The following CENPI variants were observed in gnomAD, a reference collection of about 807,000 sequenced individuals.
The protein encoded by CENPI is centromere protein I.
CENPI carries 4 observed loss-of-function variants against 60.4 expected under a neutral mutation model. That is an observed-to-expected ratio of 0.07 (90% CI 0.03 to 0.15). CENPI has a LOEUF of 0.15. Among genes scored for constraint, CENPI ranks in the 10% least tolerant of loss-of-function variants. The probability of loss-of-function intolerance (pLI) is 1.00; values close to 1 mark genes in which losing one functional copy is unlikely to be tolerated. For synonymous variants in CENPI, 157 were observed against 189.4 expected, an observed-to-expected ratio of 0.83 and a Z score of 1.40; for missense variants, 444 against 534.5, an observed-to-expected ratio of 0.83 and a Z score of 1.67.
chrX:101,158,214 G>T (rs1019396447), intron 20 of CENPI, among the ~76,000 whole-genome samples: 1 of 107,759 alleles, frequency 9.3e-6, no homozygotes, highest in Non-Finnish European at 1.9e-5. Flanking sequence ...TGATGGATAC[G>T]TTATTGTTAG....
chrX:101,141,511 A>G (rs2089914550), intron 16 of CENPI, among the ~76,000 whole-genome samples: 1 of 110,578 alleles, frequency 9.0e-6, no homozygotes, highest in South Asian at 3.9e-4. Flanking sequence ...AGCTAAGTAG[A>G]GATGGGGTTT....
intron 3 of CENPI, among the ~76,000 whole-genome samples, chrX:101,101,702 G>C (rs1209466968): frequency 9.0e-6 from 1 of 111,302 alleles, no homozygotes; most frequent in Non-Finnish European, 1.9e-5. Context: ...GTATGGTAAA[G>C]TTTGGGAACC....
chrX:101,142,784 C>T (rs902255449), intron 16 of CENPI, among the ~76,000 whole-genome samples: 1 of 111,236 alleles, frequency 9.0e-6, no homozygotes, highest in African/African-American at 3.3e-5. Context: ...CAAGTGCTAC[C>T]AAAAATCATA....
At chrX:101,116,759 A>G (rs1377111572) in intron 6 of CENPI, among the ~76,000 whole-genome samples, 1 of 110,722 alleles carries the variant, frequency 9.0e-6, no homozygotes, top group Non-Finnish European at 1.9e-5. Context: ...GAATCGCCAA[A>G]CTCTTTTCCA....
At chrX:101,154,809 G>C (rs2090038548) in intron 20 of CENPI, among the ~76,000 whole-genome samples, 1 of 111,038 alleles carries the variant, frequency 9.0e-6, no homozygotes, top group South Asian at 3.7e-4. Flanking sequence ...CCTAAGTACT[G>C]TGTTTTTTGA....
At chrX:101,157,224 C>T (rs2090061105) in intron 20 of CENPI, among the ~76,000 whole-genome samples, 1 of 111,729 alleles carries the variant, frequency 9.0e-6, no homozygotes, top group South Asian at 3.7e-4. Context: ...TTATGACTCA[C>T]CAGACTTGGA....
At chrX:101,121,951 C>T (rs1280632662) in intron 8 of CENPI, among the ~76,000 whole-genome samples, 1 of 107,916 alleles carries the variant, frequency 9.3e-6, no homozygotes, top group Non-Finnish European at 1.9e-5. Context: ...TACAGGCGCG[C>T]ACCACCACGC....
At chrX:101,145,221 C>G (rs756246655) in intron 17 of CENPI, 22 bp downstream of exon 17, 4 of 1,169,532 alleles carry the variant, frequency 3.4e-6, no homozygotes, top group Non-Finnish European at 4.6e-6. Context: ...TACATTTTCC[C>G]CATTTGGATT....
intron 21 of CENPI, among the ~76,000 whole-genome samples, chrX:101,162,610 T>C (rs760618210): frequency 1.4e-4 from 15 of 108,304 alleles, no homozygotes; most frequent in Non-Finnish European, 2.7e-4. Flanking sequence ...CATTGCACAG[T>C]ACTTAAATTT....
the CENPI span, among the ~76,000 whole-genome samples, chrX:101,178,398 C>CTTCTTTTTTTT: frequency 1.3e-3 from 50 of 39,978 alleles, 2 homozygotes; most frequent in Non-Finnish European, 2.0e-3. Context: ...TTTTCTTCTT[C>CTTCTTTTTTTT]TTTTTTTTTT....
intron 4 of CENPI, among the ~76,000 whole-genome samples, chrX:101,102,748 C>G (rs1459012109): frequency 1.8e-5 from 2 of 109,230 alleles, no homozygotes; most frequent in Non-Finnish European, 1.9e-5. Context: ...GGCACCATCT[C>G]AGCTCACTGC....
At chrX:101,129,101 G>T (rs1235844961) in intron 12 of CENPI, among the ~76,000 whole-genome samples, 1 of 111,696 alleles carries the variant, frequency 9.0e-6, no homozygotes, top group African/African-American at 3.3e-5. Flanking sequence ...CTTCATCTTT[G>T]TATGTTCAGA....
At chrX:101,102,488 T>TACAC in intron 4 of CENPI, 77 bp downstream of exon 4, 1 of 340,881 alleles carries the variant, frequency 2.9e-6, no homozygotes, top group South Asian at 6.1e-5. Flanking sequence ...ATAAATCTTA[T>TACAC]ATATATATAC....
At chrX:101,114,883 C>T (rs1018279121) in intron 6 of CENPI, among the ~76,000 whole-genome samples, 5 of 110,803 alleles carry the variant, frequency 4.5e-5, no homozygotes, top group East Asian at 2.8e-4. Context: ...TCAGGTGATT[C>T]GCCTGCCTCG....
intron 15 of CENPI, among the ~76,000 whole-genome samples, chrX:101,135,184 G>C (rs778126725): frequency 9.0e-5 from 10 of 111,357 alleles, no homozygotes; most frequent in Non-Finnish European, 3.8e-5. Context: ...GGTTATGACA[G>C]AATCTAGTGT....
chrX:101,146,362 C>T, intron 18 of CENPI, 85 bp downstream of exon 18: 2 of 930,159 alleles, frequency 2.2e-6, no homozygotes, highest in South Asian at 6.1e-5. Context: ...AATATTCCTA[C>T]TCGTCTTCTG....
chrX:101,117,099 AT>A (rs2089631227), intron 6 of CENPI, among the ~76,000 whole-genome samples: 1 of 111,913 alleles, frequency 8.9e-6, no homozygotes, highest in African/African-American at 3.2e-5. Flanking sequence ...GATACAAGAT[AT>A]ATGATTTACC....
intron 15 of CENPI, among the ~76,000 whole-genome samples, chrX:101,135,837 C>T (rs1201345770): frequency 1.8e-5 from 2 of 111,520 alleles, no homozygotes; most frequent in Non-Finnish European, 3.8e-5. Context: ...TCTCTTGACT[C>T]AGCCTCCCCA....
the CENPI span, among the ~76,000 whole-genome samples, chrX:101,178,398 C>CTTTTTTTTTTTTTTTTTT: frequency 2.2e-3 from 89 of 39,970 alleles, 6 homozygotes; most frequent in African/African-American, 3.2e-3. Flanking sequence ...TTTTCTTCTT[C>CTTTTTTTTTTTTTTTTTT]TTTTTTTTTT....
Sources: gnomAD v4.1 joint callset for allele counts (sites outside exome capture counted in the v4.1 genomes callset) on GRCh38, gnomAD v4.1.1 for gene constraint, MANE v1.5 for transcripts, NCBI Gene and HGNC (gene_info 2026-07-23, HGNC 2026-07-21) for gene names.